The following FGD5 variants were observed in gnomAD, a reference collection of about 807,000 sequenced individuals.
FGD5 encodes FYVE, RhoGEF and PH domain containing 5, also known as FYVE, RhoGEF and PH domain-containing protein 5.
In FGD5, 28 loss-of-function variants were observed where a neutral mutation model predicts 133.4. The ratio of observed to expected loss-of-function variants is 0.21; its 90% CI spans 0.16 to 0.29. The LOEUF (loss-of-function observed/expected upper bound fraction) is 0.29. Among genes scored for constraint, FGD5 ranks in the 10% least tolerant of loss-of-function variants. The pLI, the probability that FGD5 is intolerant of heterozygous loss-of-function variation, is 1.00. For synonymous variants in FGD5, 810 were observed against 776.5 expected, an observed-to-expected ratio of 1.04 and a Z score of -0.72; for missense variants, 1,858 against 1,895.2, an observed-to-expected ratio of 0.98 and a Z score of 0.36.
At chr3:14,923,549 T>C (rs1440762438) in intron 16 of FGD5, among the ~76,000 whole-genome samples, 1 of 151,902 alleles carries the variant, frequency 6.6e-6, no homozygotes, top group Non-Finnish European at 1.5e-5. Context: ...GCAGAGGAGC[T>C]GGGGTCAGGG....
chr3:14,860,023 A>G (rs2037367129), intron 1 of FGD5, among the ~76,000 whole-genome samples: 1 of 152,260 alleles, frequency 6.6e-6, no homozygotes, highest in African/African-American at 2.4e-5. Context: ...GGTCACAACT[A>G]AACATTTACA....
Position 14,883,017 on chromosome 3 carries a change from C to T in FGD5, c.2748+2245C>T, listed in dbSNP as rs149535430. On this transcript the variant is annotated intron_variant, in intron 4 of 19. Transcript: ENST00000285046. ...GCTGACGGTGTCCCCCAAATCTCCC[C>T]AGCAGGAAGGGTCCTGGGTTCATTG... Among the ~76,000 whole-genome samples, 1,476 of 152,250 alleles carry T rather than the reference C, an allele frequency of 9.7e-3. 22 individuals are homozygous for T. Among genetic ancestry groups the T allele is most frequent in the African/African-American group, 0.034 (1,402 of 41,534 alleles).
chr3:14,911,669 T>A lies in FGD5; in HGVS notation c.3405+740T>A, dbSNP rs543089795. ...CTGAGCACCTCGTGTGTGCTGGTGCTGGAAACAAAGAAAAATCCCAGGTCT... is the reference window on the plus strand; with the variant it reads ...CTGAGCACCTCGTGTGTGCTGGTGCAGGAAACAAAGAAAAATCCCAGGTCT... On this transcript the variant is annotated intron_variant, in intron 11 of 19. Transcript: ENST00000285046. Among the ~76,000 whole-genome samples the A allele has an allele frequency of 4.6e-5, 7 of 151,540 alleles. No homozygotes were observed. In the East Asian group the frequency reaches 1.2e-3, roughly 25 times the overall value.
intron 13 of FGD5, among the ~76,000 whole-genome samples, chr3:14,920,192 G>T (rs2038647759): frequency 1.3e-5 from 2 of 152,010 alleles, no homozygotes; most frequent in Non-Finnish European, 2.9e-5. Context: ...GCATGGCAGG[G>T]GTCAGCAAGG....
In FGD5 at chr3:14,917,129, G is replaced by T. The variant is rs1237638668; in HGVS notation, c.3406-120G>T. On this transcript the variant is annotated intron_variant, in intron 11 of 19. Transcript: ENST00000285046. This position sits in a 1 kb window ranked among gnomAD's most constrained non-coding sequence, Gnocchi z 4.1. ...GGCCGCAACGTTTTTGCTCACCTGTGGGGGTTACTGAGGAATACAAGATGC... is the reference window on the plus strand; with the variant it reads ...GGCCGCAACGTTTTTGCTCACCTGTTGGGGTTACTGAGGAATACAAGATGC... 2.5e-6 allele frequency: 2 copies of T among 813,932 alleles called. No individual in the cohort carries two copies. The highest frequency in any genetic ancestry group is 3.5e-5 in the African/African-American group (2 of 57,192). 50.4% of individuals were successfully genotyped at this position (813,932 alleles called of 1,614,324 possible).
chr3:14,892,668 AT>A (rs2125128206), intron 4 of FGD5, among the ~76,000 whole-genome samples: 1 of 152,280 alleles, frequency 6.6e-6, no homozygotes, highest in South Asian at 2.1e-4. Context: ...AAATACAAAA[AT>A]TTAGCCAGGC....
At chr3:14,882,851 A>G (rs58100908) in intron 4 of FGD5, among the ~76,000 whole-genome samples, 11,979 of 152,180 alleles carry the variant, frequency 0.079, 726 homozygotes, top group East Asian at 0.3. Flanking sequence ...GTCTTAAAGG[A>G]GACCCATAGA....
intron 1 of FGD5, among the ~76,000 whole-genome samples, chr3:14,841,186 A>G (rs990236136): frequency 7.2e-5 from 11 of 152,180 alleles, no homozygotes; most frequent in African/African-American, 1.7e-4. Context: ...TGTGTTGCCA[A>G]AGTGCTCTGC....
intron 11 of FGD5, among the ~76,000 whole-genome samples, chr3:14,916,358 T>A (rs1052859858): frequency 6.6e-6 from 1 of 152,182 alleles, no homozygotes. Flanking sequence ...AGAAATACTC[T>A]CTCCTAAGGA....
At chr3:14,895,667 A>G (rs1898042) in intron 4 of FGD5, among the ~76,000 whole-genome samples, 107,164 of 151,940 alleles carry the variant, frequency 0.71, 37,909 homozygotes, top group Non-Finnish European at 0.73. Flanking sequence ...TTGACTTCCC[A>G]AGCTCAAGTG....
At chr3:14,887,749 T>G (rs542607216) in intron 4 of FGD5, among the ~76,000 whole-genome samples, 1 of 152,120 alleles carries the variant, frequency 6.6e-6, no homozygotes, top group East Asian at 1.9e-4. Context: ...CAGCCCAGTC[T>G]TCTTGGAGTT....
chr3:14,922,558 T>C lies in FGD5; in HGVS notation c.3807+10T>C. On this transcript the variant is annotated intron_variant, in intron 15 of 19. Transcript: ENST00000285046. The surrounding 1 kb of genome is among the most constrained non-coding windows in gnomAD (Gnocchi z 4.1). ...TCACGCCTGTGGCAAGGTGAGTCGC[T>C]GCATCTGGGGTGAGTGTGTGCATGG... The C allele has an allele frequency of 6.4e-7, 1 of 1,570,892 alleles. No homozygotes were observed. The highest frequency in any genetic ancestry group is 1.9e-5 in the Admixed American group (1 of 54,044).
At chr3:14,910,303 C>A (rs949442609) in intron 10 of FGD5, among the ~76,000 whole-genome samples, 2 of 152,144 alleles carry the variant, frequency 1.3e-5, no homozygotes, top group African/African-American at 4.8e-5. Context: ...AACTTGGCAC[C>A]CGCACGCATC....
chr3:14,820,769 T>C lies in FGD5; in HGVS notation c.1698T>C (p.Pro566=). Residue 566 remains proline (P), a synonymous_variant, in exon 1 of 20, where the codon CCT becomes CCC. Coordinates refer to ENST00000285046, the MANE Select transcript of FGD5 (RefSeq NM_152536.4). ...REIPVSVYQE[P]EGSGLDDHRI... ...TTCCAGTGTCCGTGTACCAGGAGCC[T>C]GAGGGGTCAGGGTTGGATGACCACA... 1 of 1,613,320 alleles carries C rather than the reference T, an allele frequency of 6.2e-7. No individual in the cohort carries two copies. Among genetic ancestry groups the C allele is most frequent in the Non-Finnish European group, 8.5e-7 (1 of 1,179,692 alleles).
At chr3:14,897,718 A>T (rs529529727) in intron 5 of FGD5, 49 bp downstream of exon 5, 1 of 1,536,396 alleles carries the variant, frequency 6.5e-7, no homozygotes, top group Non-Finnish European at 8.8e-7. Flanking sequence ...CACTGGGGGA[A>T]TGGAGACGGA....
At chr3:14,856,844 T>C (rs1429198103) in intron 1 of FGD5, among the ~76,000 whole-genome samples, 1 of 152,210 alleles carries the variant, frequency 6.6e-6, no homozygotes, top group Admixed American at 6.5e-5. Context: ...ACAGTTTGAC[T>C]TCTTCCTTTC....
At chr3:14,881,869 A>T (rs147664499) in intron 4 of FGD5, among the ~76,000 whole-genome samples, 1 of 152,062 alleles carries the variant, frequency 6.6e-6, no homozygotes, top group Non-Finnish European at 1.5e-5. Context: ...CTGCCTTGGG[A>T]GCTCCATGGG....
chr3:14,867,942 G>C (rs56820299), intron 2 of FGD5, among the ~76,000 whole-genome samples: 14,105 of 151,916 alleles, frequency 0.093, 818 homozygotes, highest in East Asian at 0.3. Context: ...CAGTGGTGAG[G>C]CCTACCCTTC....
intron 1 of FGD5, among the ~76,000 whole-genome samples, chr3:14,813,224 A>G (rs1023973991): frequency 6.6e-6 from 1 of 152,210 alleles, no homozygotes; most frequent in Non-Finnish European, 1.5e-5. Flanking sequence ...CAAAAAGGAA[A>G]CTGAGGCTCA....
Sources: allele counts gnomAD v4.1 joint callset (sites outside exome capture counted in the v4.1 genomes callset), GRCh38; gene constraint gnomAD v4.1.1; non-coding constraint Gnocchi (gnomAD v3.1); transcripts MANE v1.5; gene names NCBI Gene and HGNC (gene_info 2026-07-23, HGNC 2026-07-21).